FILIP1: variants seen among roughly 807,000 people sequenced by gnomAD.
The protein encoded by FILIP1 is filamin A interacting protein 1, also known as filamin-A-interacting protein 1.
FILIP1 carries 61 observed loss-of-function variants against 102.1 expected under a neutral mutation model. That is an observed-to-expected ratio of 0.60 (90% CI 0.49 to 0.74). The LOEUF (loss-of-function observed/expected upper bound fraction) is 0.74, where lower values mean the gene tolerates loss of function less well. Ranked by LOEUF, FILIP1 falls within the 30% of genes least tolerant of loss-of-function variation. The pLI is 0.00. For synonymous variants in FILIP1, 491 were observed against 526.9 expected (o/e 0.93, Z 0.93); for missense variants, 1,314 against 1,441.2 (o/e 0.91, Z 1.43).
At chr6:75,433,137 T>C (rs1287699170) in intron 1 of FILIP1, among the ~76,000 whole-genome samples, 1 of 152,256 alleles carries the variant, frequency 6.6e-6, no homozygotes, top group East Asian at 1.9e-4. Context: ...ACAATAAACA[T>C]ACATGTGCAT....
chr6:75,432,475 T>C (rs761732715), intron 1 of FILIP1, among the ~76,000 whole-genome samples: 33 of 152,268 alleles, frequency 2.2e-4, no homozygotes, highest in Non-Finnish European at 4.6e-4. Flanking sequence ...CTGGAGAAAT[T>C]AGGAAGATTT....
intron 1 of FILIP1, among the ~76,000 whole-genome samples, chr6:75,437,759 G>C (rs569979788): frequency 6.6e-6 from 1 of 152,182 alleles, no homozygotes; most frequent in Admixed American, 6.5e-5. Flanking sequence ...ATCAAGAACC[G>C]AGAATTAGTC....
In FILIP1 at chr6:75,369,585, GAA is replaced by G. The variant is rs35469743; in HGVS notation, c.277-6670_277-6669del. Among the ~76,000 whole-genome samples, 8 of 151,496 alleles carry G rather than the reference GAA, an allele frequency of 5.3e-5. No individual in the cohort carries two copies. In the East Asian group the frequency reaches 7.8e-4, roughly 15 times the overall value. ...TTGTGTGGCTTTTCTATCTTTGAAAGAAAAAAAAACATAATGAGTAGGAAAGA... is the reference window on the plus strand; with the variant it reads ...TTGTGTGGCTTTTCTATCTTTGAAAGAAAAAAACATAATGAGTAGGAAAGA... On this transcript the variant is annotated intron_variant, in intron 2 of 5. Transcript: ENST00000237172.
intron 4 of FILIP1, among the ~76,000 whole-genome samples, chr6:75,324,341 T>TA (rs1773761276): frequency 2.3e-5 from 1 of 42,836 alleles, no homozygotes; most frequent in Non-Finnish European, 5.1e-5. Context: ...GAAATATACC[T>TA]AACCAAAAAA....
intron 1 of FILIP1, among the ~76,000 whole-genome samples, chr6:75,431,981 G>A (rs1172100119): frequency 6.6e-6 from 1 of 152,110 alleles, no homozygotes; most frequent in African/African-American, 2.4e-5. Flanking sequence ...TAAATAGCAG[G>A]ATTCTGCTTG....
chr6:75,298,964 A>G (rs1174814596), intron 6 of FILIP1, among the ~76,000 whole-genome samples: 2 of 152,208 alleles, frequency 1.3e-5, no homozygotes, highest in Admixed American at 6.5e-5. Flanking sequence ...GTAACTCATT[A>G]TACAGCAAAA....
chr6:75,453,623 C>A (rs779105453), intron 1 of FILIP1, among the ~76,000 whole-genome samples: 1 of 152,068 alleles, frequency 6.6e-6, no homozygotes, highest in African/African-American at 2.4e-5. Flanking sequence ...CCAGCCTGGG[C>A]AACATAGCAA....
At chr6:75,354,590 A>C (rs13205354) in intron 3 of FILIP1, among the ~76,000 whole-genome samples, 8,527 of 142,708 alleles carry the variant, frequency 0.06, 310 homozygotes, top group Non-Finnish European at 0.078. Flanking sequence ...AAAAAAAAAA[A>C]CCTTTTAACC....
intron 6 of FILIP1, chr6:75,296,475 T>TTTTTTTTTTTTA (rs565379089): frequency 5.0e-5 from 7 of 140,396 alleles, no homozygotes; most frequent in African/African-American, 1.8e-4. Flanking sequence ...ACTCTATATG[T>TTTTTTTTTTTTA]TTATTATTAT....
intron 2 of FILIP1, among the ~76,000 whole-genome samples, chr6:75,388,475 T>C (rs1187380668): frequency 1.3e-5 from 2 of 152,250 alleles, no homozygotes; most frequent in African/African-American, 4.8e-5. Context: ...TTTGGCAGTA[T>C]GGCCATTTTC....
At chr6:75,487,037 C>A (rs1779808320) in intron 1 of FILIP1, among the ~76,000 whole-genome samples, 1 of 152,006 alleles carries the variant, frequency 6.6e-6, no homozygotes, top group Non-Finnish European at 1.5e-5. Flanking sequence ...TATGGCCAAA[C>A]CAGTTGGTTT....
intron 1 of FILIP1, among the ~76,000 whole-genome samples, chr6:75,423,751 C>T (rs773994629): frequency 1.3e-5 from 2 of 152,154 alleles, no homozygotes; most frequent in Non-Finnish European, 2.9e-5. Flanking sequence ...GACCTCTTGC[C>T]AACCTACTAC....
chr6:75,320,063 TCA>T lies in FILIP1; in HGVS notation c.630-4863_630-4862del, dbSNP rs1195573984. The T allele has an allele frequency of 1.2e-5, 3 of 253,886 alleles. No individual in the cohort carries two copies. The East Asian group carries it at 2.6e-4, about 22-fold the overall frequency. 15.7% of individuals were successfully genotyped at this position (253,886 alleles called of 1,614,324 possible). On this transcript the variant is annotated intron_variant, in intron 4 of 5. Transcript: ENST00000237172. Reference sequence around the variant, plus strand: ...TGCCCCGGTGCTGTCTCTATGGAGCTCAGTTACTGCAATGGCTGTCCCAACTT... The same window carrying T: ...TGCCCCGGTGCTGTCTCTATGGAGCTGTTACTGCAATGGCTGTCCCAACTT...
Position 75,300,157 on chromosome 6 carries a change from C to A in FILIP1, c.3494-4207G>T, listed in dbSNP as rs150121569. Among the ~76,000 whole-genome samples the A allele has an allele frequency of 6.3e-3, 955 of 152,210 alleles. 9 individuals carry two copies. Among genetic ancestry groups the A allele is most frequent in the African/African-American group, 0.022 (922 of 41,518 alleles). On this transcript the variant is annotated intron_variant, in intron 6 of 6. Coordinates refer to the FILIP1 transcript ENST00000393004. ...AAACATTCTTCTCTAGCAAATAAGG[C>A]CACATCACTTTAATAGCTAGCCTCT...
chr6:75,314,277 T>G lies in FILIP1; in HGVS notation c.1555A>C (p.Ile519Leu), dbSNP rs1163544216. ...TCCACTTTTCTCTCTTCTTGTTTTA[T>G]TTTTTCCATCATATTTTTCCTTTCA... Reference protein sequence around the residue: ...VDERKNMMEKIKQEERKVDGL... With the variant: ...VDERKNMMEKLKQEERKVDGL... Residue 519 changes from isoleucine to leucine, a missense_variant, in exon 5 of 6, where the codon ATA (isoleucine) becomes CTA (leucine). Physicochemically the swap from Ile to Leu is conservative, Grantham distance 5. Around this residue, in one of 3 missense-constraint regions of FILIP1, gnomAD observed 816 missense variants for 913.1 expected, o/e 0.89. Coordinates refer to ENST00000237172, the MANE Select transcript of FILIP1 (RefSeq NM_015687.5). The G allele has an allele frequency of 1.9e-6, 3 of 1,544,262 alleles. No individual in the cohort carries two copies. The highest frequency in any genetic ancestry group is 2.6e-6 in the Non-Finnish European group (3 of 1,157,588).
At chr6:75,418,792 T>A (rs897603568) in intron 1 of FILIP1, among the ~76,000 whole-genome samples, 2 of 152,244 alleles carry the variant, frequency 1.3e-5, no homozygotes, top group African/African-American at 4.8e-5. Flanking sequence ...AAATCAGTGT[T>A]AACTGGAGCA....
intron 1 of FILIP1, among the ~76,000 whole-genome samples, chr6:75,484,454 T>A (rs62414210): frequency 1.1e-4 from 1 of 9,206 alleles, no homozygotes; most frequent in Admixed American, 1.6e-3. Context: ...TACTGTCTTT[T>A]AAAGTACTTT....
At chr6:75,315,902 G>A (rs953713150) in intron 4 of FILIP1, among the ~76,000 whole-genome samples, 3 of 152,314 alleles carry the variant, frequency 2.0e-5, no homozygotes, top group Middle Eastern at 3.4e-3. Flanking sequence ...CGTAAACTAC[G>A]TAACTGTCAC....
intron 2 of FILIP1, among the ~76,000 whole-genome samples, chr6:75,407,319 G>A (rs980463180): frequency 3.3e-5 from 5 of 151,804 alleles, no homozygotes; most frequent in East Asian, 1.9e-4. Flanking sequence ...TCTGCCTCCC[G>A]GGTTCATGCC....
Sources: allele counts gnomAD v4.1 joint callset (sites outside exome capture counted in the v4.1 genomes callset), GRCh38; gene constraint gnomAD v4.1.1; regional missense constraint gnomAD v4.1.1; transcripts MANE v1.5; gene names NCBI Gene and HGNC (gene_info 2026-07-23, HGNC 2026-07-21).